The following SNED1 variants were observed in gnomAD, a reference collection of about 807,000 sequenced individuals.
SNED1 encodes sushi, nidogen and EGF-like domain-containing protein 1.
SNED1 carries 81 observed loss-of-function variants against 166.7 expected under a neutral mutation model. The observed-to-expected ratio is 0.49, with a 90% CI of 0.41 to 0.58. SNED1 has a LOEUF of 0.58. Ranked by LOEUF, SNED1 falls within the 20% of genes least tolerant of loss-of-function variation. SNED1 has a pLI of 0.00. For missense variants in SNED1, 1,604 were observed against 2,000.2 expected, an observed-to-expected ratio of 0.80 and a Z score of 3.78; for synonymous variants, 762 against 822.0, an observed-to-expected ratio of 0.93 and a Z score of 1.25.
Position 241,018,680 on chromosome 2 carries a change from C to A in SNED1, c.214-11604C>A, listed in dbSNP as rs1470470808. Among the ~76,000 whole-genome samples the A allele has an allele frequency of 6.6e-6, 1 of 152,192 alleles. No homozygotes were observed. Among genetic ancestry groups the A allele is most frequent in the African/African-American group, 2.4e-5 (1 of 41,442 alleles). ...CACCCGTGTGAGAGCCACAGAGACG[C>A]CCTGCTCCCAGGCTGGCACCCACAG... is the stretch of plus-strand genomic sequence containing the variant. On this transcript the variant is annotated intron_variant, in intron 1 of 31. Transcript: ENST00000310397. This position sits in a 1 kb window ranked among gnomAD's most constrained non-coding sequence, Gnocchi z 5.4.
In SNED1 at chr2:241,088,384, A is replaced by G; in HGVS notation, c.4225A>G (p.Thr1409Ala). ...TTTCAGGAAACAAAGTAAGAGTCAG[A>G]CACTGGAGAAATCTTAAGGTACGTC... ...TPNRKQSKSQ[T>A]LEKS is the part of the protein sequence containing the mutation. The change falls in exon 31 of 32, where the codon ACA (threonine) becomes GCA (alanine). Residue 1409 changes from threonine (T) to alanine (A), a missense_variant. By Grantham distance (58) the Thr-to-Ala change is moderately conservative. This residue lies in a region of SNED1 where 367 missense variants were observed against 379.4 expected (regional missense o/e 0.97). Transcript: ENST00000310397. The G allele has an allele frequency of 6.2e-7, 1 of 1,612,018 alleles. No homozygotes were observed. Among genetic ancestry groups the G allele is most frequent in the Non-Finnish European group, 8.5e-7 (1 of 1,178,096 alleles).
intron 1 of SNED1, among the ~76,000 whole-genome samples, chr2:241,010,928 G>A (rs935254014): frequency 6.6e-6 from 1 of 152,202 alleles, no homozygotes; most frequent in Non-Finnish European, 1.5e-5. Context: ...ACCAGACGGT[G>A]GCCACGGGGA....
At position 241,052,040 on chromosome 2, in the gene SNED1, G is replaced by T; in HGVS notation, c.1853-1G>T. 6.2e-7 allele frequency: 1 copy of T among 1,612,934 alleles called. No homozygotes were observed. Among genetic ancestry groups the T allele is most frequent in the South Asian group, 1.1e-5 (1 of 91,046 alleles). ...GACCCTGACCTGGCTTCTGTTTCCAGGGAAGCCAGACTCGTGTGCCTCTGG... is the reference window on the plus strand; with the variant it reads ...GACCCTGACCTGGCTTCTGTTTCCATGGAAGCCAGACTCGTGTGCCTCTGG... On this transcript the variant is annotated splice_acceptor_variant, in intron 13 of 31. Coordinates refer to ENST00000310397, the MANE Select transcript of SNED1 (RefSeq NM_001080437.3). LOFTEE classifies it high-confidence loss of function.
In SNED1 at chr2:241,007,367, C is replaced by G. The variant is rs565241649; in HGVS notation, c.213+8317C>G. Reference sequence around the variant, plus strand: ...CATTCATTCACTGTTGACTTACTCACTACTTCATTTGTTCGTTCCTTCAGT... The same window carrying G: ...CATTCATTCACTGTTGACTTACTCAGTACTTCATTTGTTCGTTCCTTCAGT... On this transcript the variant is annotated intron_variant, in intron 1 of 31. Transcript: ENST00000310397. Among the ~76,000 whole-genome samples the G allele has an allele frequency of 3.3e-5, 5 of 152,378 alleles. 1 individual carries two copies. The South Asian group carries it at 1.0e-3, about 32-fold the overall frequency.
intron 21 of SNED1, 24 bp from the exon 22 acceptor site, chr2:241,067,740 T>A (rs1331394966): frequency 6.3e-7 from 1 of 1,584,568 alleles, no homozygotes; most frequent in Non-Finnish European, 8.6e-7. Context: ...GGCCGGCACC[T>A]GCTGAACAGT....
At chr2:241,020,881 C>T (rs1452927100) in intron 1 of SNED1, among the ~76,000 whole-genome samples, 1 of 152,164 alleles carries the variant, frequency 6.6e-6, no homozygotes, top group East Asian at 1.9e-4. Flanking sequence ...CCCCTCTTAC[C>T]TCTGCATGCC....
upstream of SNED1, among the ~76,000 whole-genome samples, chr2:240,997,697 G>A (rs914116836): frequency 5.9e-5 from 9 of 152,150 alleles, 1 homozygote; most frequent in South Asian, 6.2e-4. Flanking sequence ...GCTTGTCTTC[G>A]AGGGGTGCAC....
rs2063958484 is a variant in SNED1, at chr2:241,091,232, C to T, written c.*2-406C>T. On this transcript the variant is annotated intron_variant, in intron 31 of 31. Coordinates refer to ENST00000310397, the MANE Select transcript of SNED1 (RefSeq NM_001080437.3). The surrounding 1 kb of genome is among the most constrained non-coding windows in gnomAD (Gnocchi z 4.1). Reference sequence around the variant, plus strand: ...CACCCAGACACCCATCCAAGAACAACACGAGAATTCATTTCAACCCAGAGC... The same window carrying T: ...CACCCAGACACCCATCCAAGAACAATACGAGAATTCATTTCAACCCAGAGC... Among the ~76,000 whole-genome samples, 1 of 152,214 alleles carries T rather than the reference C, an allele frequency of 6.6e-6. No individual in the cohort carries two copies. The highest frequency in any genetic ancestry group is 2.4e-5 in the African/African-American group (1 of 41,452).
rs1246653706 is a variant in SNED1 at position 241,013,812 on chromosome 2, C to T, written c.213+14762C>T. On this transcript the variant is annotated intron_variant, in intron 1 of 31. Transcript: ENST00000310397. The surrounding 1 kb of genome is among the most constrained non-coding windows in gnomAD (Gnocchi z 4.6). ...TACATATGTCTGTATATATACACCA[C>T]ATTTTGTTTATCCATTCATCCGTCA... is the stretch of plus-strand genomic sequence containing the variant. Among the ~76,000 whole-genome samples the T allele has an allele frequency of 3.3e-5, 5 of 152,262 alleles. No homozygotes were observed. The highest frequency in any genetic ancestry group is 9.6e-5 in the African/African-American group (4 of 41,550).
chr2:241,062,604 C>T (rs1391921790), intron 16 of SNED1, among the ~76,000 whole-genome samples, 187 bp from the exon 17 acceptor site: 1 of 152,204 alleles, frequency 6.6e-6, no homozygotes, highest in Non-Finnish European at 1.5e-5. Context: ...CAGACACAGC[C>T]AGGCACTGAG....
rs780763201 is a variant in SNED1, at chr2:241,040,338, G to C, written c.1198G>C (p.Gly400Arg). Residue 400 changes from glycine to arginine, a missense_variant, in exon 8 of 32, where the codon GGC (glycine) becomes CGC (arginine). Coordinates refer to ENST00000310397, the MANE Select transcript of SNED1 (RefSeq NM_001080437.3). ...CAGCCCTGACCCCTGCCTGAATGGA[G>C]GCTCTTGTGTTGACCTAGTGGGGAA... ...DCSPDPCLNG[G>R]SCVDLVGNYT... The C allele has an allele frequency of 6.2e-7, 1 of 1,609,570 alleles. No individual in the cohort carries two copies. Among genetic ancestry groups the C allele is most frequent in the Non-Finnish European group, 8.5e-7 (1 of 1,178,088 alleles).
At chr2:241,042,415 A>G (rs2061544348) in intron 8 of SNED1, among the ~76,000 whole-genome samples, 1 of 152,246 alleles carries the variant, frequency 6.6e-6, no homozygotes, top group South Asian at 2.1e-4. Flanking sequence ...TCATTGAGCC[A>G]TGTGCCAGAA....
In SNED1 at chr2:241,069,039, CG is replaced by C; in HGVS notation, c.3307+18del. 1 of 1,519,482 alleles carries C rather than the reference CG, an allele frequency of 6.6e-7. No homozygotes were observed. Among genetic ancestry groups the C allele is most frequent in the Non-Finnish European group, 8.9e-7 (1 of 1,122,376 alleles). The allele number at this position is 1,519,482 out of a possible 1,614,324, so 94.1% of individuals were successfully genotyped here. ...GTGTGGACCCGTGAGTAGAGCAGCG[CG>C]GCCCCCGGCACACGAAAGGCCGTCT... On this transcript the variant is annotated intron_variant, in intron 23 of 31. Transcript: ENST00000310397. This position sits in a 1 kb window ranked among gnomAD's most constrained non-coding sequence, Gnocchi z 4.9.
chr2:241,089,784 C>T (rs528032674), intron 31 of SNED1, among the ~76,000 whole-genome samples: 18 of 152,376 alleles, frequency 1.2e-4, no homozygotes, highest in South Asian at 4.1e-4. Context: ...AACATCATAG[C>T]GCATACTTAG....
At chr2:241,082,504 T>C in intron 29 of SNED1, 140 bp downstream of exon 29, 1 of 633,958 alleles carries the variant, frequency 1.6e-6, no homozygotes, top group Non-Finnish European at 2.8e-6. Flanking sequence ...TGACCATCGA[T>C]TCCCTCCATG....
rs2060662139 is a variant in SNED1 at position 241,018,334 on chromosome 2, C to A, written c.214-11950C>A. On this transcript the variant is annotated intron_variant, in intron 1 of 31. Transcript: ENST00000310397. The surrounding 1 kb of genome is among the most constrained non-coding windows in gnomAD (Gnocchi z 5.4). ...ATGGGGGCACGTTTGGGTGCAGATA[C>A]CACCTGGATCCACAGGACAGAGATG... Among the ~76,000 whole-genome samples, 1 of 152,226 alleles carries A rather than the reference C, an allele frequency of 6.6e-6. No homozygotes were observed. Among genetic ancestry groups the A allele is most frequent in the Non-Finnish European group, 1.5e-5 (1 of 68,040 alleles).
Position 241,018,519 on chromosome 2 carries a change from C to T in SNED1, c.214-11765C>T, listed in dbSNP as rs536502387. ...TCTAAGGTGGTCCCTGGTCAGGAGC[C>T]GGGACTGGCGTTCTCTCTCTTCAGC... is the stretch of plus-strand genomic sequence containing the variant. On this transcript the variant is annotated intron_variant, in intron 1 of 31. Transcript: ENST00000310397. The surrounding 1 kb of genome is among the most constrained non-coding windows in gnomAD (Gnocchi z 5.4). Among the ~76,000 whole-genome samples the T allele has an allele frequency of 6.6e-6, 1 of 152,322 alleles. No individual in the cohort carries two copies. The highest frequency in any genetic ancestry group is 1.9e-4 in the East Asian group (1 of 5,176).
At chr2:241,063,328 C>A (rs1166804203) in intron 17 of SNED1, 8 of 540,388 alleles carry the variant, frequency 1.5e-5, no homozygotes, top group African/African-American at 1.3e-4. Flanking sequence ...AGTCGTGGCC[C>A]TGGGGAGCCT....
At chr2:241,005,337 G>A (rs2060194789) in intron 1 of SNED1, among the ~76,000 whole-genome samples, 1 of 151,946 alleles carries the variant, frequency 6.6e-6, no homozygotes, top group Non-Finnish European at 1.5e-5. Context: ...CTGAGTACCT[G>A]GGACTACAGG....
Sources: gnomAD v4.1 joint callset for allele counts (sites outside exome capture counted in the v4.1 genomes callset) on GRCh38, gnomAD v4.1.1 for gene constraint, gnomAD v4.1.1 regional missense constraint, Gnocchi (gnomAD v3.1) non-coding constraint, MANE v1.5 for transcripts, NCBI Gene and HGNC (gene_info 2026-07-23, HGNC 2026-07-21) for gene names.